COL7A1: variants seen among roughly 807,000 people sequenced by gnomAD.
The protein encoded by COL7A1 is collagen alpha-1(VII) chain.
In COL7A1, 296 loss-of-function variants were observed where a neutral mutation model predicts 456.2. The ratio of observed to expected loss-of-function variants is 0.65; its 90% confidence interval spans 0.59 to 0.71. The LOEUF (loss-of-function observed/expected upper bound fraction) is 0.71, where lower values mean the gene tolerates loss of function less well. COL7A1 is among the 30% of genes least tolerant of loss of function. The pLI, the probability that COL7A1 is intolerant of heterozygous loss-of-function variation, is 0.00. For missense variants in COL7A1, 3,441 were observed against 4,017.2 expected (o/e 0.86, Z 3.88); for synonymous variants, 1,464 against 1,525.9 (o/e 0.96, Z 0.95).
chr3:48,592,627 C>T lies in COL7A1; in HGVS notation c.919G>A (p.Val307Met), dbSNP rs764145071. The T allele has an allele frequency of 1.2e-6, 2 of 1,614,042 alleles. No homozygotes were observed. Among genetic ancestry groups the T allele is most frequent in the Non-Finnish European group, 1.7e-6 (2 of 1,180,036 alleles). ...LRPLTEYQVT[V>M]IALYANSIGE... is the part of the protein sequence containing the mutation. ...ATGCTGTTGGCGTAGAGGGCAATCACAGTCACTTGGTACTCGGTCAGTGGC... is the reference window on the plus strand; with the variant it reads ...ATGCTGTTGGCGTAGAGGGCAATCATAGTCACTTGGTACTCGGTCAGTGGC... The change falls in exon 8 of 119, where the codon GTG (valine) becomes ATG (methionine). Residue 307 changes from valine (V) to methionine (M), a missense_variant. This residue lies in a region of COL7A1 where 913 missense variants were observed against 1,088.2 expected (regional missense o/e 0.84). Transcript: ENST00000681320. The surrounding 1 kb of genome is among the most constrained non-coding windows in gnomAD (Gnocchi z 7.6).
rs139521707 is a variant in COL7A1 at position 48,588,943 on chromosome 3, G to C, written c.2367C>G (p.Ser789Arg). 28 of 1,613,490 alleles carry C rather than the reference G, an allele frequency of 1.7e-5. No individual in the cohort carries two copies. The South Asian group carries it at 3.1e-4, about 18-fold the overall frequency. The change falls in exon 19 of 119, where the codon AGC (serine) becomes AGG (arginine). Residue 789 changes from serine (S) to arginine (R), a missense_variant. Ser to Arg is a moderately radical substitution (Grantham distance 110). Coordinates refer to ENST00000681320, the MANE Select transcript of COL7A1 (RefSeq NM_000094.4). The surrounding 1 kb of genome is among the most constrained non-coding windows in gnomAD (Gnocchi z 4.6). ...CTACCCAGGTGATCCGTAGAACGTCGCTGGAAGCATTGAGGATCTGCAGCC... is the reference window on the plus strand; with the variant it reads ...CTACCCAGGTGATCCGTAGAACGTCCCTGGAAGCATTGAGGATCTGCAGCC... ...VSRLQILNAS[S>R]DVLRITWVGV...
In COL7A1 at chr3:48,587,707, C is replaced by G; in HGVS notation, c.2857+86G>C. 1 of 1,606,738 alleles carries G rather than the reference C, an allele frequency of 6.2e-7. No homozygotes were observed. Among genetic ancestry groups the G allele is most frequent in the Non-Finnish European group, 8.5e-7 (1 of 1,174,304 alleles). On this transcript the variant is annotated intron_variant, in intron 22 of 118. Coordinates refer to ENST00000681320, the MANE Select transcript of COL7A1 (RefSeq NM_000094.4). This position sits in a 1 kb window ranked among gnomAD's most constrained non-coding sequence, Gnocchi z 6.1. ...GGTCAGAGGGTGAGGGGTAGGGGTA[C>G]AGGAGGAGTCACTCAGAGTCGGGGT...
Position 48,576,705 on chromosome 3 carries a change from G to A in COL7A1, c.5671C>T (p.Leu1891Phe), listed in dbSNP as rs139759871. Residue 1891 changes from leucine (L) to phenylalanine (F), a missense_variant, in exon 68 of 119, where the codon CTC (leucine) becomes TTC (phenylalanine). Around this residue, in one of 3 missense-constraint regions of COL7A1, gnomAD observed 2,084 missense variants for 2,501.3 expected, o/e 0.83. Transcript: ENST00000681320. ...GILGPQGPPG[L>F]PGPVGPPGQG... ...CCAGGAGGGCCCACTGGCCCTGGGA[G>A]GCCTGGAGGCCCCTGGGGTCCAAGG... 6.2e-7 allele frequency: 1 copy of A among 1,609,106 alleles called. No individual in the cohort carries two copies. Among genetic ancestry groups the A allele is most frequent in the Non-Finnish European group, 8.5e-7 (1 of 1,178,194 alleles).
rs966288548 is a variant in COL7A1, at chr3:48,593,897, G to C, written c.267-201C>G. 6.6e-6 allele frequency among the ~76,000 whole-genome samples: 1 copy of C among 152,196 alleles called. No homozygotes were observed. Among genetic ancestry groups the C allele is most frequent in the Non-Finnish European group, 1.5e-5 (1 of 68,032 alleles). On this transcript the variant is annotated intron_variant, in intron 3 of 118. Transcript: ENST00000681320. The surrounding 1 kb of genome is among the most constrained non-coding windows in gnomAD (Gnocchi z 4.4). ...GGGCTCCTTTGTGCACCATCTGCAGGTGGGCCTGGGCAGACCTGAAGGAGC... is the reference window on the plus strand; with the variant it reads ...GGGCTCCTTTGTGCACCATCTGCAGCTGGGCCTGGGCAGACCTGAAGGAGC...
In COL7A1 at chr3:48,565,422, C is replaced by G. The variant is rs1236870024; in HGVS notation, c.8515G>C (p.Ala2839Pro). Reference protein sequence around the residue: ...HAVPVLRVSHAEEEERVPPED... With the variant: ...HAVPVLRVSHPEEEERVPPED... The stretch of plus-strand genomic sequence containing the variant: ...CAGCTGTCCTCACCTTCCTCCTCTG[C>G]ATGAGAGACGCGGAGCACAGGCACA... Residue 2839 changes from alanine to proline, a missense_variant, in exon 116 of 119, where the codon GCA becomes CCA. Around this residue, in one of 3 missense-constraint regions of COL7A1, gnomAD observed 2,084 missense variants for 2,501.3 expected, o/e 0.83. Transcript: ENST00000681320. This position sits in a 1 kb window ranked among gnomAD's most constrained non-coding sequence, Gnocchi z 4.5. 3 of 1,610,550 alleles carry G rather than the reference C, an allele frequency of 1.9e-6. No homozygotes were observed. The highest frequency in any genetic ancestry group is 2.5e-6 in the Non-Finnish European group (3 of 1,178,446).
intron 47 of COL7A1, 125 bp from the exon 48 acceptor site, chr3:48,582,068 G>A: frequency 7.1e-7 from 1 of 1,413,272 alleles, no homozygotes; most frequent in Non-Finnish European, 1.0e-6. Flanking sequence ...AGAAGTCACA[G>A]AGTCACCGCT....
chr3:48,586,602 GGA>G lies in COL7A1; in HGVS notation c.3362_3363del (p.Ile1121ThrfsTer2). 1 of 1,613,752 alleles carries G rather than the reference GGA, an allele frequency of 6.2e-7. No homozygotes were observed. Among genetic ancestry groups the G allele is most frequent in the Non-Finnish European group, 8.5e-7 (1 of 1,180,026 alleles). On this transcript the variant is annotated frameshift_variant, in exon 26 of 119. Transcript: ENST00000681320. LOFTEE classifies it high-confidence loss of function. The surrounding 1 kb of genome is among the most constrained non-coding windows in gnomAD (Gnocchi z 5.1). ...SHDLGIILQRIRDMPYMDPSG... is the reference protein window; with the variant it reads ...SHDLGIILQRXRDMPYMDPSG... ...CTTGGGTCCATGTAGGGCATGTCAC[GGA>G]TCCTTTGCAAGATAATGCCAAGGTC...
Position 48,573,376 on chromosome 3 carries a change from C to T in COL7A1, c.6619-28G>A. The T allele has an allele frequency of 3.1e-6, 5 of 1,614,048 alleles. No homozygotes were observed. Among genetic ancestry groups the T allele is most frequent in the Middle Eastern group, 3.3e-4 (2 of 6,062 alleles). On this transcript the variant is annotated intron_variant, in intron 83 of 118. Coordinates refer to ENST00000681320, the MANE Select transcript of COL7A1 (RefSeq NM_000094.4). The surrounding 1 kb of genome is among the most constrained non-coding windows in gnomAD (Gnocchi z 5.5). ...GCAAACAACCCAGAGACTGCATGAG[C>T]AGAGCCCACGTGGCCAGGGCTCCTG...
In COL7A1 at chr3:48,593,145, C is replaced by T. The variant is rs1433516825; in HGVS notation, c.639G>A (p.Arg213=). The T allele has an allele frequency of 1.9e-6, 3 of 1,614,122 alleles. No individual in the cohort carries two copies. Among genetic ancestry groups the T allele is most frequent in the South Asian group, 1.1e-5 (1 of 91,074 alleles). Residue 213 remains arginine, a synonymous_variant, in exon 6 of 119, where the codon CGG becomes CGA. Coordinates refer to ENST00000681320, the MANE Select transcript of COL7A1 (RefSeq NM_000094.4). This position sits in a 1 kb window ranked among gnomAD's most constrained non-coding sequence, Gnocchi z 4.4. ...ILRTLLPLVS[R]RVCTTAGGVP... ...CGCCACCAGCAGTCGTGCACACTCT[C>T]CGGGAAACGAGGGGCAGTAGTGTCC...
chr3:48,590,331 G>A lies in COL7A1; in HGVS notation c.1932C>T (p.Pro644=), dbSNP rs750903788. Residue 644 remains proline (P), a synonymous_variant, in exon 16 of 119, where the codon CCC becomes CCT. Transcript: ENST00000681320. This position sits in a 1 kb window ranked among gnomAD's most constrained non-coding sequence, Gnocchi z 4.6. ...TGATGTCTGTGGCAGTAGAGTCTGG[G>A]GGCAGTGTCTGGCTGGACTCCGGAC... ...GSGPESSQTL[P]PDSTATDITG... is the part of the protein sequence containing the mutation. 6.2e-7 allele frequency: 1 copy of A among 1,614,060 alleles called. No homozygotes were observed. Among genetic ancestry groups the A allele is most frequent in the Middle Eastern group, 1.6e-4 (1 of 6,062 alleles).
At position 48,579,841 on chromosome 3, in the gene COL7A1, A is replaced by C. The variant is rs765176724; in HGVS notation, c.5125-27T>G. On this transcript the variant is annotated intron_variant, in intron 57 of 118. Coordinates refer to ENST00000681320, the MANE Select transcript of COL7A1 (RefSeq NM_000094.4). The surrounding 1 kb of genome is among the most constrained non-coding windows in gnomAD (Gnocchi z 4.4). ...TGTGGGGGGAATGACCAGTGAGAAG[A>C]ATGGCTCAACAAGGGGAAGAGGAGT... The C allele has an allele frequency of 1.9e-6, 3 of 1,613,914 alleles. No individual in the cohort carries two copies. The East Asian group carries it at 6.7e-5, about 36-fold the overall frequency.
At position 48,584,345 on chromosome 3, in the gene COL7A1, C is replaced by T. The variant is rs767030806; in HGVS notation, c.4150G>A (p.Asp1384Asn). ...GPPGPRGPLG[D>N]PGPRGPPGLP... ...CCTGGGGGGCCACGGGGTCCTGGGT[C>T]CCCCAGTGGTCCACGAGGTCCAGGG... The change falls in exon 37 of 119, where the codon GAC becomes AAC. Residue 1384 changes from aspartate to asparagine, a missense_variant. Asp to Asn is a conservative substitution (Grantham distance 23). This residue lies in a region of COL7A1 where 2,084 missense variants were observed against 2,501.3 expected (regional missense o/e 0.83). Coordinates refer to ENST00000681320, the MANE Select transcript of COL7A1 (RefSeq NM_000094.4). The T allele has an allele frequency of 3.1e-6, 5 of 1,613,464 alleles. No individual in the cohort carries two copies. The Admixed American group carries it at 6.7e-5, about 22-fold the overall frequency.
Position 48,581,951 on chromosome 3 carries a change from C to A in COL7A1, c.4636-8G>T. 2.5e-6 allele frequency: 4 copies of A among 1,614,004 alleles called. No individual in the cohort carries two copies. The highest frequency in any genetic ancestry group is 3.4e-6 in the Non-Finnish European group (4 of 1,180,036). ...TCCAGCAACAGCAGGTCCCTGAAAA[C>A]AAACAGGACAGATACAGCTTGGCCC... On this transcript the variant is annotated splice_polypyrimidine_tract_variant and splice_region_variant and intron_variant, in intron 47 of 118. Transcript: ENST00000681320. This position sits in a 1 kb window ranked among gnomAD's most constrained non-coding sequence, Gnocchi z 5.8.
chr3:48,566,987 C>T lies in COL7A1; in HGVS notation c.8146G>A (p.Gly2716Arg). ...PGIGGFPGPS[G>R]NDGSAGPPGP... is the part of the protein sequence containing the mutation. Reference sequence around the variant, plus strand: ...GGGGGACCAGCAGAGCCATCATTTCCACTGGGGCCTGGGAAGCCCCCAATT... The same window carrying T: ...GGGGGACCAGCAGAGCCATCATTTCTACTGGGGCCTGGGAAGCCCCCAATT... The change falls in exon 111 of 119, where the codon GGA becomes AGA. Residue 2716 changes from glycine (G) to arginine (R), a missense_variant. By Grantham distance (125) the Gly-to-Arg change is moderately radical. Transcript: ENST00000681320. The surrounding 1 kb of genome is among the most constrained non-coding windows in gnomAD (Gnocchi z 5.9). 6.2e-7 allele frequency: 1 copy of T among 1,612,238 alleles called. No homozygotes were observed. Among genetic ancestry groups the T allele is most frequent in the Non-Finnish European group, 8.5e-7 (1 of 1,178,612 alleles).
Position 48,571,908 on chromosome 3 carries a change from G to A in COL7A1, c.7068+93C>T, listed in dbSNP as rs561262939. 1.2e-5 allele frequency: 18 copies of A among 1,473,322 alleles called. No homozygotes were observed. The South Asian group carries it at 2.0e-4, about 17-fold the overall frequency. The allele number at this position is 1,473,322 out of a possible 1,614,324, so 91.3% of individuals were successfully genotyped here. A position where few individuals can be genotyped will look rare whatever the true frequency, so the allele number is the denominator to read the frequency against. On this transcript the variant is annotated intron_variant, in intron 92 of 118. Coordinates refer to ENST00000681320, the MANE Select transcript of COL7A1 (RefSeq NM_000094.4). This position sits in a 1 kb window ranked among gnomAD's most constrained non-coding sequence, Gnocchi z 4.6. ...TTGGGACATGCAGCCCGACTCAGGGGCTCAGACATGTGCCCCGGCCCAAGA... is the reference window on the plus strand; with the variant it reads ...TTGGGACATGCAGCCCGACTCAGGGACTCAGACATGTGCCCCGGCCCAAGA...
In COL7A1 at chr3:48,594,772, G is replaced by A. The variant is rs1189809509; in HGVS notation, c.86-224C>T. 2.0e-5 allele frequency among the ~76,000 whole-genome samples: 3 copies of A among 152,070 alleles called. No homozygotes were observed. The highest frequency in any genetic ancestry group is 4.4e-5 in the Non-Finnish European group (3 of 67,998). On this transcript the variant is annotated intron_variant, in intron 2 of 118. Transcript: ENST00000681320. The surrounding 1 kb of genome is among the most constrained non-coding windows in gnomAD (Gnocchi z 5.5). ...GGGGGTGTGCGGGGGAGGGAGAGTC[G>A]CCAGCACGGGTGTGGACTTGGGACT...
rs772554764 is a variant in COL7A1, at chr3:48,589,382, C to T, written c.2259G>A (p.Val753=). 6.2e-7 allele frequency: 1 copy of T among 1,613,496 alleles called. No homozygotes were observed. The highest frequency in any genetic ancestry group is 8.5e-7 in the Non-Finnish European group (1 of 1,180,018). ...CATCCACGCCAGCCACATGGGCCCT[C>T]ACATGCACCGTATACTCAGTATCTG... ...LEPDTEYTVH[V]RAHVAGVDGP... is the part of the protein sequence containing the mutation. The change falls in exon 18 of 119, where the codon GTG becomes GTA. Residue 753 remains valine (V), a synonymous_variant. Coordinates refer to ENST00000681320, the MANE Select transcript of COL7A1 (RefSeq NM_000094.4).
chr3:48,574,029 C>A lies in COL7A1; in HGVS notation c.6502-139G>T. ...CAGATAATACCTACCCATGGACTGC[C>A]TCTCATAGATAGCACACACGGGCCT... On this transcript the variant is annotated intron_variant, in intron 80 of 118. Coordinates refer to ENST00000681320, the MANE Select transcript of COL7A1 (RefSeq NM_000094.4). The surrounding 1 kb of genome is among the most constrained non-coding windows in gnomAD (Gnocchi z 5.0). 1 of 1,203,588 alleles carries A rather than the reference C, an allele frequency of 8.3e-7. No homozygotes were observed. Among genetic ancestry groups the A allele is most frequent in the Non-Finnish European group, 1.2e-6 (1 of 836,684 alleles). The allele number at this position is 1,203,588 out of a possible 1,614,324, so 74.6% of individuals were successfully genotyped here. A position where few individuals can be genotyped will look rare whatever the true frequency, so the allele number is the denominator to read the frequency against.
Position 48,595,144 on chromosome 3 carries a change from G to A in COL7A1, c.16C>T (p.Leu6=), listed in dbSNP as rs2045993094. 1.3e-6 allele frequency: 2 copies of A among 1,552,438 alleles called. No individual in the cohort carries two copies. Among genetic ancestry groups the A allele is most frequent in the African/African-American group, 1.4e-5 (1 of 73,188 alleles). ...ATCCCGGCGCAGAGCGCGGCCACCAGAAGCCGCAGCGTCATCCTAGGCAGT... is the reference window on the plus strand; with the variant it reads ...ATCCCGGCGCAGAGCGCGGCCACCAAAAGCCGCAGCGTCATCCTAGGCAGT... MTLRL[L]VAALCAGILA... Residue 6 remains leucine (L), a synonymous_variant, in exon 2 of 119, where the codon CTG becomes TTG. Coordinates refer to ENST00000681320, the MANE Select transcript of COL7A1 (RefSeq NM_000094.4).
Sources: allele counts gnomAD v4.1 joint callset (sites outside exome capture counted in the v4.1 genomes callset), GRCh38; gene constraint gnomAD v4.1.1; regional missense constraint gnomAD v4.1.1; non-coding constraint Gnocchi (gnomAD v3.1); transcripts MANE v1.5; gene names NCBI Gene and HGNC (gene_info 2026-07-23, HGNC 2026-07-21).